The following ARHGAP18 variants were observed in gnomAD, a reference collection of about 807,000 sequenced individuals.
ARHGAP18 encodes the protein Rho GTPase activating protein 18.
In ARHGAP18, 67 loss-of-function variants were observed where a neutral mutation model predicts 86.2. The observed-to-expected ratio is 0.78, with a 90% CI of 0.64 to 0.95. The LOEUF (loss-of-function observed/expected upper bound fraction) is 0.95. Among genes scored for constraint, ARHGAP18 ranks in the 40% least tolerant of loss-of-function variants. The probability of loss-of-function intolerance (pLI) is 0.00; values close to 1 mark genes in which losing one functional copy is unlikely to be tolerated. For synonymous variants in ARHGAP18, 283 were observed against 280.4 expected (o/e 1.01, Z -0.09); for missense variants, 691 against 780.4 (o/e 0.89, Z 1.37).
At chr6:129,706,364 A>G (rs1490183907) in intron 1 of ARHGAP18, among the ~76,000 whole-genome samples, 2 of 152,230 alleles carry the variant, frequency 1.3e-5, no homozygotes, top group African/African-American at 2.4e-5. Context: ...TAATGTTAAC[A>G]TATTTCTTCA....
At chr6:129,609,070 GGAGA>G (rs533944597) in intron 8 of ARHGAP18, among the ~76,000 whole-genome samples, 2 of 145,726 alleles carry the variant, frequency 1.4e-5, no homozygotes, top group Non-Finnish European at 3.0e-5. Flanking sequence ...GGAAGGAAGA[GGAGA>G]GAGAGGGGGC....
intron 1 of ARHGAP18, among the ~76,000 whole-genome samples, chr6:129,700,733 A>G (rs761650909): frequency 1.3e-5 from 2 of 152,162 alleles, no homozygotes; most frequent in African/African-American, 2.4e-5. Flanking sequence ...AATCCTTAAA[A>G]TAAGTCTTGA....
At chr6:129,680,111 TCTTAA>T (rs1184611672) in intron 1 of ARHGAP18, among the ~76,000 whole-genome samples, 1 of 152,232 alleles carries the variant, frequency 6.6e-6, no homozygotes, top group South Asian at 2.1e-4. Context: ...CATCTCAAGA[TCTTAA>T]CTTAATCACA....
chr6:129,660,899 T>C (rs572355558), intron 1 of ARHGAP18, among the ~76,000 whole-genome samples: 2 of 152,004 alleles, frequency 1.3e-5, no homozygotes, highest in South Asian at 4.2e-4. Flanking sequence ...GGAGTATGCA[T>C]GTTTGGAATT....
At chr6:129,582,500 T>C (rs1257890224) in intron 13 of ARHGAP18, among the ~76,000 whole-genome samples, 1 of 152,132 alleles carries the variant, frequency 6.6e-6, no homozygotes, top group African/African-American at 2.4e-5. Context: ...AATGAGAGCA[T>C]GGCTGGTGGG....
intron 1 of ARHGAP18, among the ~76,000 whole-genome samples, chr6:129,679,953 C>T (rs1323523785): frequency 2.0e-5 from 3 of 152,322 alleles, no homozygotes; most frequent in Admixed American, 6.5e-5. Flanking sequence ...TCTGGCAGTA[C>T]CAGCATTTCC....
chr6:129,639,773 G>C (rs1243331346), intron 2 of ARHGAP18, among the ~76,000 whole-genome samples: 1 of 152,124 alleles, frequency 6.6e-6, no homozygotes, highest in African/African-American at 2.4e-5. Flanking sequence ...GGCCGGGCAT[G>C]GTGGCTCAGG....
intron 10 of ARHGAP18, among the ~76,000 whole-genome samples, chr6:129,604,500 G>GA (rs1788813279): frequency 6.6e-6 from 1 of 152,138 alleles, no homozygotes; most frequent in Non-Finnish European, 1.5e-5. Context: ...CAATGAGTAA[G>GA]AAAAAGATGT....
rs1053689305 is a variant in ARHGAP18 at position 129,583,902 on chromosome 6, AAAGG to A, written c.1838+82_1838+85del. The A allele has an allele frequency of 6.0e-6, 9 of 1,504,670 alleles. No individual in the cohort carries two copies. The African/African-American group carries it at 1.1e-4, about 19-fold the overall frequency. The allele number at this position is 1,504,670 out of a possible 1,614,324, so 93.2% of individuals were successfully genotyped here. Reference sequence around the variant, plus strand: ...CCCACAATTAAAACAAAAAAAAAAAAAAGGAAGAAGAAGCAGCAGCGAAGGCGAG... The same window carrying A: ...CCCACAATTAAAACAAAAAAAAAAAAAAGAAGAAGCAGCAGCGAAGGCGAG... On this transcript the variant is annotated intron_variant, in intron 13 of 14. Transcript: ENST00000368149.
At chr6:129,635,393 C>T (rs1475060545) in intron 3 of ARHGAP18, among the ~76,000 whole-genome samples, 1 of 152,132 alleles carries the variant, frequency 6.6e-6, no homozygotes, top group African/African-American at 2.4e-5. Flanking sequence ...ACAGTGACTA[C>T]CAAGTCACAG....
intron 1 of ARHGAP18, among the ~76,000 whole-genome samples, chr6:129,672,517 T>C (rs1480090637): frequency 1.3e-5 from 2 of 152,170 alleles, no homozygotes; most frequent in Non-Finnish European, 2.9e-5. Flanking sequence ...TACACAGAAG[T>C]GTGACGTATA....
intron 12 of ARHGAP18, among the ~76,000 whole-genome samples, chr6:129,590,721 G>T (rs563825712): frequency 1.3e-5 from 2 of 152,212 alleles, no homozygotes; most frequent in Non-Finnish European, 2.9e-5. Context: ...ACCAACAATG[G>T]TACATGGTTT....
At chr6:129,678,704 C>T (rs1181213265) in intron 1 of ARHGAP18, among the ~76,000 whole-genome samples, 1 of 152,132 alleles carries the variant, frequency 6.6e-6, no homozygotes, top group Non-Finnish European at 1.5e-5. Flanking sequence ...ATTAATTTAT[C>T]TGGAGTGTGA....
chr6:129,639,181 A>G (rs760363139), intron 2 of ARHGAP18, among the ~76,000 whole-genome samples: 1 of 146,452 alleles, frequency 6.8e-6, no homozygotes, highest in Non-Finnish European at 1.5e-5. Flanking sequence ...CAGATTATGT[A>G]TTTTTACAAT....
intron 1 of ARHGAP18, among the ~76,000 whole-genome samples, chr6:129,687,866 G>A (rs1221275156): frequency 6.6e-6 from 1 of 152,060 alleles, no homozygotes; most frequent in Non-Finnish European, 1.5e-5. Flanking sequence ...GAGGCACAGA[G>A]ATGTTTTGTA....
Position 129,608,064 on chromosome 6 carries a change from GAAA to G in ARHGAP18, c.1123-15_1123-13del, listed in dbSNP as rs577070164. 0.043 allele frequency: 40,503 copies of G among 948,028 alleles called. 1 individual carries two copies. The highest frequency in any genetic ancestry group is 0.076 in the East Asian group (1,591 of 21,040). 58.7% of individuals were successfully genotyped at this position (948,028 alleles called of 1,614,324 possible). A position where few individuals can be genotyped will look rare whatever the true frequency, so the allele number is the denominator to read the frequency against. On this transcript the variant is annotated splice_polypyrimidine_tract_variant and intron_variant, in intron 8 of 14. Transcript: ENST00000368149. ...TCTTGGCAAAGATTCTGATAGGCAC[GAAA>G]AAAAAAAAAAAAAAAAAAAGAAGCA... is the stretch of plus-strand genomic sequence containing the variant.
At chr6:129,654,306 G>A (rs1237697723) in intron 1 of ARHGAP18, among the ~76,000 whole-genome samples, 1 of 152,064 alleles carries the variant, frequency 6.6e-6, no homozygotes, top group Non-Finnish European at 1.5e-5. Context: ...GCACAATATG[G>A]GCATACTGAG....
intron 3 of ARHGAP18, 90 bp from the exon 4 acceptor site, chr6:129,634,195 T>C: frequency 1.8e-6 from 2 of 1,100,180 alleles, no homozygotes; most frequent in South Asian, 2.7e-5. Context: ...ATCTTTAGAG[T>C]ACAAGACATG....
chr6:129,601,449 A>G (rs1788741425), intron 10 of ARHGAP18, among the ~76,000 whole-genome samples: 1 of 151,922 alleles, frequency 6.6e-6, no homozygotes, highest in Non-Finnish European at 1.5e-5. Flanking sequence ...TAGGCAACAG[A>G]GAGAAACCCT....
Sources: gnomAD v4.1 joint callset for allele counts (sites outside exome capture counted in the v4.1 genomes callset) on GRCh38, gnomAD v4.1.1 for gene constraint, MANE v1.5 for transcripts, NCBI Gene and HGNC (gene_info 2026-07-23, HGNC 2026-07-21) for gene names.